Variants in PTAR1 observed in about 807,000 individuals in gnomAD.
The protein encoded by PTAR1 is protein prenyltransferase alpha subunit repeat-containing protein 1.
Under a neutral mutation model 45.5 loss-of-function variants are expected in PTAR1, and 17 were observed. The ratio of observed to expected loss-of-function variants is 0.37; its 90% CI spans 0.26 to 0.56. The LOEUF (loss-of-function observed/expected upper bound fraction) is 0.56, where lower values mean the gene tolerates loss of function less well. PTAR1 is among the 20% of genes least tolerant of loss of function. PTAR1 has a pLI of 0.77. For missense variants in PTAR1, 391 were observed against 476.3 expected (o/e 0.82, Z 1.67); for synonymous variants, 169 against 171.3 (o/e 0.99, Z 0.11).
Position 69,711,163 on chromosome 9 carries a change from AGT to A in PTAR1, c.*7177_*7178del, listed in dbSNP as rs1192322818. 1 of 152,116 alleles carries A rather than the reference AGT, an allele frequency of 6.6e-6. No homozygotes were observed. The highest frequency in any genetic ancestry group is 1.5e-5 in the Non-Finnish European group (1 of 68,014). The allele number at this position is 152,116 out of a possible 1,614,324, so 9.4% of individuals were successfully genotyped here. On this transcript the variant is annotated 3_prime_UTR_variant, in exon 8 of 8. Coordinates refer to ENST00000340434, the MANE Select transcript of PTAR1 (RefSeq NM_001099666.2). Reference sequence around the variant, plus strand: ...CTTTTATTTTTTCCAACTCAAAAACAGTAAGTTAATCTAAGAATGCATTCCAT... The same window carrying A: ...CTTTTATTTTTTCCAACTCAAAAACAAAGTTAATCTAAGAATGCATTCCAT...
At chr9:69,747,229 G>A (rs1046386147) in intron 2 of PTAR1, among the ~76,000 whole-genome samples, 7 of 152,198 alleles carry the variant, frequency 4.6e-5, no homozygotes, top group African/African-American at 1.7e-4. Flanking sequence ...AAAATACAGT[G>A]TGACAAGTGA....
chr9:69,757,176 A>AT (rs1159631326), intron 1 of PTAR1: 2 of 152,194 alleles, frequency 1.3e-5, no homozygotes, highest in African/African-American at 4.8e-5. Flanking sequence ...GATAAGATTA[A>AT]TTTTAACGTG....
At chr9:69,758,900 T>A (rs559832821) in intron 1 of PTAR1, among the ~76,000 whole-genome samples, 1 of 149,212 alleles carries the variant, frequency 6.7e-6, no homozygotes, top group Non-Finnish European at 1.5e-5. Flanking sequence ...CTAGCTAAAA[T>A]GAAAGTAATG....
At chr9:69,746,982 G>C (rs1046440878) in intron 2 of PTAR1, among the ~76,000 whole-genome samples, 1 of 152,178 alleles carries the variant, frequency 6.6e-6, no homozygotes, top group Non-Finnish European at 1.5e-5. Flanking sequence ...GTTACCACAA[G>C]AAGTGAAGCT....
At position 69,759,976 on chromosome 9, in the gene PTAR1, G is replaced by T; in HGVS notation, c.-38C>A. 7.0e-7 allele frequency: 1 copy of T among 1,429,552 alleles called. No homozygotes were observed. The highest frequency in any genetic ancestry group is 3.1e-5 in the East Asian group (1 of 31,816). 88.6% of individuals were successfully genotyped at this position (1,429,552 alleles called of 1,614,324 possible). A position where few individuals can be genotyped will look rare whatever the true frequency, so the allele number is the denominator to read the frequency against. On this transcript the variant is annotated 5_prime_UTR_variant, in exon 1 of 8. Transcript: ENST00000340434. Reference sequence around the variant, plus strand: ...CGCGACAGTTCGGGCGCGCCTCCGCGTGAGCCGGGCCGCCGGCGGGAGTTC... The same window carrying T: ...CGCGACAGTTCGGGCGCGCCTCCGCTTGAGCCGGGCCGCCGGCGGGAGTTC...
At chr9:69,734,075 C>T in intron 4 of PTAR1, 75 bp downstream of exon 4, 1 of 847,100 alleles carries the variant, frequency 1.2e-6, no homozygotes, top group South Asian at 1.6e-5. Flanking sequence ...GTAACCTTGC[C>T]TCTCACATGT....
intron 3 of PTAR1, 116 bp from the exon 4 acceptor site, chr9:69,734,370 A>G: frequency 2.0e-6 from 1 of 512,310 alleles, no homozygotes. Context: ...TAAGAATTTT[A>G]AAACAAAAAA....
At position 69,714,513 on chromosome 9, in the gene PTAR1, T is replaced by C. The variant is rs1352225802; in HGVS notation, c.*3829A>G. The C allele has an allele frequency of 6.6e-6, 1 of 152,038 alleles. No individual in the cohort carries two copies. Among genetic ancestry groups the C allele is most frequent in the Non-Finnish European group, 1.5e-5 (1 of 67,964 alleles). 9.4% of individuals were successfully genotyped at this position (152,038 alleles called of 1,614,324 possible). ...TTGCTTCAATACTAAAAATTCCTTT[T>C]ACACACACATACATGTGTGTGTGGC... On this transcript the variant is annotated 3_prime_UTR_variant, in exon 8 of 8. Transcript: ENST00000340434.
intron 5 of PTAR1, among the ~76,000 whole-genome samples, chr9:69,728,645 CTTTT>C (rs1458642439): frequency 6.6e-6 from 1 of 152,012 alleles, no homozygotes; most frequent in Admixed American, 6.6e-5. Flanking sequence ...ACTATATGTG[CTTTT>C]TTTATGTGAA....
chr9:69,753,520 A>G (rs185945385), intron 1 of PTAR1, among the ~76,000 whole-genome samples: 1 of 152,300 alleles, frequency 6.6e-6, no homozygotes, highest in East Asian at 1.9e-4. Context: ...ACACACACAT[A>G]TACATACATA....
intron 1 of PTAR1, among the ~76,000 whole-genome samples, chr9:69,754,474 A>C (rs1213545025): frequency 6.6e-6 from 1 of 151,702 alleles, no homozygotes; most frequent in Non-Finnish European, 1.5e-5. Context: ...CAAAACAAAA[A>C]AAACCCTAAA....
At chr9:69,756,628 G>A (rs1826789746) in intron 1 of PTAR1, among the ~76,000 whole-genome samples, 1 of 152,044 alleles carries the variant, frequency 6.6e-6, no homozygotes, top group African/African-American at 2.4e-5. Flanking sequence ...TGCTCCCTGT[G>A]GAGGTCTCTG....
intron 4 of PTAR1, among the ~76,000 whole-genome samples, chr9:69,732,652 A>G (rs1825594640): frequency 6.6e-6 from 1 of 152,136 alleles, no homozygotes; most frequent in African/African-American, 2.4e-5. Context: ...CCACTTGGCC[A>G]GGAAATGTAA....
chr9:69,736,734 A>C lies in PTAR1; in HGVS notation c.324-2480T>G, dbSNP rs184932792. On this transcript the variant is annotated intron_variant, in intron 3 of 7. Coordinates refer to ENST00000340434, the MANE Select transcript of PTAR1 (RefSeq NM_001099666.2). ...AGTTACCCTACAACTGAGTTTTGAC[A>C]AAGTTTCTTAAATTATGGGCACTCT... Among the ~76,000 whole-genome samples the C allele has an allele frequency of 1.3e-3, 197 of 152,298 alleles. 1 individual carries two copies. The highest frequency in any genetic ancestry group is 4.3e-3 in the African/African-American group (180 of 41,554).
At chr9:69,743,387 TACACATAA>T (rs565942914) in intron 2 of PTAR1, among the ~76,000 whole-genome samples, 11 of 152,186 alleles carry the variant, frequency 7.2e-5, no homozygotes, top group Admixed American at 2.6e-4. Context: ...TAAGAGCAAA[TACACATAA>T]ACACATCCAA....
chr9:69,737,083 C>CTA (rs140407510), intron 3 of PTAR1, among the ~76,000 whole-genome samples: 39,675 of 151,664 alleles, frequency 0.26, 5,883 homozygotes, highest in Middle Eastern at 0.36. Context: ...TAATCTAGTG[C>CTA]TATATATTTT....
intron 1 of PTAR1, among the ~76,000 whole-genome samples, chr9:69,754,619 C>T (rs973931202): frequency 6.9e-6 from 1 of 144,954 alleles, no homozygotes; most frequent in Non-Finnish European, 1.5e-5. Flanking sequence ...TCACTCACTG[C>T]AGCCTCCAAC....
At chr9:69,759,015 T>C (rs986737819) in intron 1 of PTAR1, among the ~76,000 whole-genome samples, 9 of 151,030 alleles carry the variant, frequency 6.0e-5, no homozygotes, top group African/African-American at 2.2e-4. Context: ...GATCTCTCTC[T>C]CTCTCTCAAT....
At position 69,743,631 on chromosome 9, in the gene PTAR1, C is replaced by T. The variant is rs1181083647; in HGVS notation, c.257-1773G>A. On this transcript the variant is annotated intron_variant, in intron 2 of 7. Transcript: ENST00000340434. ...GCCTATGAAGAATAATTAACCTCTT[C>T]ATTTTTTTACTTTTAGTAGTTTTTG... is the stretch of plus-strand genomic sequence containing the variant. Among the ~76,000 whole-genome samples the T allele has an allele frequency of 3.3e-5, 5 of 152,238 alleles. No homozygotes were observed. The East Asian group carries it at 7.7e-4, about 24-fold the overall frequency.
Sources: allele counts gnomAD v4.1 joint callset (sites outside exome capture counted in the v4.1 genomes callset), GRCh38; gene constraint gnomAD v4.1.1; transcripts MANE v1.5; gene names NCBI Gene and HGNC (gene_info 2026-07-23, HGNC 2026-07-21).